The following CNTN5 variants were observed in gnomAD, a reference collection of about 807,000 sequenced individuals.
CNTN5 encodes the protein contactin 5.
A neutral mutation model predicts 129.1 loss-of-function variants in CNTN5; 77 were observed. The observed-to-expected ratio is 0.60, with a 90% CI of 0.50 to 0.72. The LOEUF is 0.72. Ranked by LOEUF, CNTN5 falls within the 30% of genes least tolerant of loss-of-function variation. The pLI is 0.00. For synonymous variants in CNTN5, 509 were observed against 465.6 expected, an observed-to-expected ratio of 1.09 and a Z score of -1.20; for missense variants, 1,478 against 1,328.8, an observed-to-expected ratio of 1.11 and a Z score of -1.75.
chr11:99,182,000 C>T (rs966418062), intron 1 of CNTN5, among the ~76,000 whole-genome samples: 1 of 152,172 alleles, frequency 6.6e-6, no homozygotes, highest in Non-Finnish European at 1.5e-5. Flanking sequence ...TATCACCATA[C>T]ATTATGATGC....
chr11:99,568,848 ACT>A (rs1025656663), intron 3 of CNTN5, among the ~76,000 whole-genome samples: 5 of 152,298 alleles, frequency 3.3e-5, no homozygotes, highest in Admixed American at 2.0e-4. Context: ...ACTTTTTGAA[ACT>A]CTGTCAACTT....
rs892311728 is a variant in CNTN5 at position 100,128,726 on chromosome 11, A to T, written c.1580+54432A>T. ...TTGAATGGGCGAGGAAGCTATAATGACTCCATGTTCCTTCTTGCCTCAGAG... is the reference window on the plus strand; with the variant it reads ...TTGAATGGGCGAGGAAGCTATAATGTCTCCATGTTCCTTCTTGCCTCAGAG... On this transcript the variant is annotated intron_variant, in intron 13 of 24. Coordinates refer to ENST00000524871, the MANE Select transcript of CNTN5 (RefSeq NM_014361.4). Among the ~76,000 whole-genome samples, 4 of 151,860 alleles carry T rather than the reference A, an allele frequency of 2.6e-5. No individual in the cohort carries two copies. In the East Asian group the frequency reaches 7.8e-4, roughly 30 times the overall value.
chr11:99,910,288 A>G (rs1445330286), intron 6 of CNTN5, among the ~76,000 whole-genome samples: 1 of 152,042 alleles, frequency 6.6e-6, no homozygotes, highest in Non-Finnish European at 1.5e-5. Context: ...TCATTTTTCT[A>G]TGGCTTTTCT....
intron 2 of CNTN5, among the ~76,000 whole-genome samples, chr11:99,430,052 T>C (rs1168803396): frequency 6.6e-6 from 1 of 152,088 alleles, no homozygotes; most frequent in Non-Finnish European, 1.5e-5. Context: ...CAATGACTCT[T>C]GAAACTCCAC....
intron 1 of CNTN5, among the ~76,000 whole-genome samples, chr11:99,184,666 G>T (rs1858248098): frequency 6.6e-6 from 1 of 151,976 alleles, no homozygotes; most frequent in Non-Finnish European, 1.5e-5. Flanking sequence ...GAAGTGCAAA[G>T]AAAATGATTT....
chr11:100,228,533 A>G (rs1949427104), intron 16 of CNTN5, among the ~76,000 whole-genome samples: 1 of 152,202 alleles, frequency 6.6e-6, no homozygotes, highest in African/African-American at 2.4e-5. Flanking sequence ...TTGAATATCT[A>G]ACTTTACTCT....
intron 6 of CNTN5, among the ~76,000 whole-genome samples, chr11:99,877,927 G>A (rs1948675740): frequency 6.6e-6 from 1 of 152,044 alleles, no homozygotes; most frequent in Non-Finnish European, 1.5e-5. Flanking sequence ...CCAGTTTATT[G>A]CTTTGAAGGG....
intron 9 of CNTN5, among the ~76,000 whole-genome samples, chr11:100,019,005 T>C (rs1179289869): frequency 6.6e-6 from 1 of 151,946 alleles, no homozygotes; most frequent in Non-Finnish European, 1.5e-5. Context: ...ATATTTTTAT[T>C]ATTAAATTTT....
intron 1 of CNTN5, among the ~76,000 whole-genome samples, chr11:99,226,267 C>G (rs1860680548): frequency 6.6e-6 from 1 of 152,156 alleles, no homozygotes; most frequent in Admixed American, 6.6e-5. Context: ...CTAAGAGACA[C>G]TAACGTGAGG....
At chr11:99,193,119 T>C (rs1269716965) in intron 1 of CNTN5, among the ~76,000 whole-genome samples, 1 of 152,192 alleles carries the variant, frequency 6.6e-6, no homozygotes, top group Non-Finnish European at 1.5e-5. Flanking sequence ...TTTTTCAAAA[T>C]GTTTGCTACA....
chr11:99,081,961 C>A (rs923190230), intron 1 of CNTN5, among the ~76,000 whole-genome samples: 1 of 151,962 alleles, frequency 6.6e-6, no homozygotes, highest in African/African-American at 2.4e-5. Context: ...ATATAACATA[C>A]AAAATTTTAA....
rs150922189 is a variant in CNTN5, at chr11:99,446,794, T to A, written c.-70-109351T>A. 9.7e-4 allele frequency among the ~76,000 whole-genome samples: 148 copies of A among 152,296 alleles called. 1 individual carries two copies. Among genetic ancestry groups the A allele is most frequent in the African/African-American group, 3.5e-3 (147 of 41,574 alleles). ...AGCTGACTTTCCTCCTTAAATATAG[T>A]CAATACAATTTAGGCTAGTCCTCCT... On this transcript the variant is annotated intron_variant, in intron 2 of 24. Coordinates refer to ENST00000524871, the MANE Select transcript of CNTN5 (RefSeq NM_014361.4).
chr11:99,766,702 A>G (rs17134393), intron 3 of CNTN5, among the ~76,000 whole-genome samples: 2 of 151,972 alleles, frequency 1.3e-5, no homozygotes, highest in Non-Finnish European at 2.9e-5. Context: ...TGTCAAATTT[A>G]TCTGTGGAAC....
chr11:99,552,107 C>T (rs1005264907), intron 2 of CNTN5, among the ~76,000 whole-genome samples: 5 of 151,696 alleles, frequency 3.3e-5, no homozygotes, highest in Admixed American at 2.6e-4. Flanking sequence ...AAGGTTTCAC[C>T]ATGTTGGCCA....
chr11:99,573,441 G>A (rs1471103019), intron 3 of CNTN5, among the ~76,000 whole-genome samples: 1 of 151,796 alleles, frequency 6.6e-6, no homozygotes, highest in Non-Finnish European at 1.5e-5. Flanking sequence ...GTGGTGGCAG[G>A]CGCCTGTAGT....
intron 3 of CNTN5, among the ~76,000 whole-genome samples, chr11:99,597,798 A>G (rs1401646739): frequency 1.3e-5 from 2 of 152,104 alleles, no homozygotes; most frequent in African/African-American, 4.8e-5. Context: ...CACATTTTCA[A>G]TGAGTAATCA....
chr11:99,735,431 A>G (rs541580853), intron 3 of CNTN5, among the ~76,000 whole-genome samples: 9 of 152,330 alleles, frequency 5.9e-5, no homozygotes, highest in African/African-American at 2.2e-4. Flanking sequence ...TATTTCACCA[A>G]TTTTGGTTAA....
At chr11:99,373,517 C>G (rs1288805696) in intron 2 of CNTN5, among the ~76,000 whole-genome samples, 1 of 151,660 alleles carries the variant, frequency 6.6e-6, no homozygotes, top group East Asian at 1.9e-4. Context: ...AGTTAAAGAC[C>G]AGCTTGACCA....
At chr11:100,040,537 C>T (rs1198366308) in intron 9 of CNTN5, among the ~76,000 whole-genome samples, 1 of 152,208 alleles carries the variant, frequency 6.6e-6, no homozygotes, top group Admixed American at 6.5e-5. Context: ...TTACTGCTGT[C>T]TTTTTGTTTG....
Sources: allele counts gnomAD v4.1 joint callset (sites outside exome capture counted in the v4.1 genomes callset), GRCh38; gene constraint gnomAD v4.1.1; transcripts MANE v1.5; gene names NCBI Gene and HGNC (gene_info 2026-07-23, HGNC 2026-07-21).